MED13L: variants seen among roughly 807,000 people sequenced by gnomAD.
MED13L encodes mediator complex subunit 13L, also known as mediator of RNA polymerase II transcription subunit 13-like.
Under a neutral mutation model 220.9 loss-of-function variants are expected in MED13L, and 7 were observed. The observed-to-expected ratio is 0.03, with a 90% confidence interval of 0.02 to 0.06. MED13L has a LOEUF of 0.06. MED13L is among the 10% of genes least tolerant of loss of function. The pLI is 1.00. For synonymous variants in MED13L, 1,011 were observed against 1,015.2 expected (o/e 1.00, Z 0.08); for missense variants, 1,965 against 2,760.5 (o/e 0.71, Z 6.46).
chr12:116,117,686 T>C (rs61939697), intron 2 of MED13L, among the ~76,000 whole-genome samples: 22,767 of 151,854 alleles, frequency 0.15, 1,917 homozygotes, highest in Middle Eastern at 0.21. Flanking sequence ...AAAGTTTGAG[T>C]AATTAACAAG....
intron 2 of MED13L, among the ~76,000 whole-genome samples, chr12:116,218,187 T>A (rs1371937505): frequency 2.6e-5 from 4 of 152,226 alleles, no homozygotes; most frequent in African/African-American, 9.6e-5. Flanking sequence ...CATTCAATGA[T>A]CAAGTTTACT....
At chr12:116,273,354 G>T (rs777263869) in intron 1 of MED13L, among the ~76,000 whole-genome samples, 2 of 152,022 alleles carry the variant, frequency 1.3e-5, no homozygotes, top group Admixed American at 1.3e-4. Context: ...GGAAAAAAAT[G>T]CTTTAAACAT....
intron 2 of MED13L, among the ~76,000 whole-genome samples, chr12:116,148,126 T>A (rs12305254): frequency 0.025 from 3,721 of 150,072 alleles, 156 homozygotes; most frequent in African/African-American, 0.087. Flanking sequence ...AGGACTGATT[T>A]GGTATTAAAG....
chr12:115,984,068 C>T, intron 20 of MED13L, 112 bp downstream of exon 20: 1 of 1,202,132 alleles, frequency 8.3e-7, no homozygotes, highest in Non-Finnish European at 1.2e-6. Context: ...TTAACAAATA[C>T]AGCATTACTT....
intron 4 of MED13L, among the ~76,000 whole-genome samples, chr12:116,033,368 A>G: frequency 6.6e-6 from 1 of 152,328 alleles, no homozygotes; most frequent in South Asian, 2.1e-4. Flanking sequence ...TATAAAAATT[A>G]TTAAACTATT....
intron 2 of MED13L, among the ~76,000 whole-genome samples, chr12:116,130,369 C>T (rs185862470): frequency 5.3e-5 from 8 of 152,244 alleles, no homozygotes; most frequent in African/African-American, 1.7e-4. Context: ...CACAGCCACC[C>T]GCTAGGAGGG....
At chr12:115,994,203 T>G (rs890783664) in intron 16 of MED13L, among the ~76,000 whole-genome samples, 1 of 152,080 alleles carries the variant, frequency 6.6e-6, no homozygotes, top group Non-Finnish European at 1.5e-5. Flanking sequence ...CCCAACACTT[T>G]AGGAGGCCGA....
At chr12:116,060,248 G>A (rs1424486082) in intron 4 of MED13L, among the ~76,000 whole-genome samples, 1 of 151,728 alleles carries the variant, frequency 6.6e-6, no homozygotes, top group Non-Finnish European at 1.5e-5. Context: ...TTTCTAATAA[G>A]CCTCAAATTA....
chr12:116,140,914 A>G (rs1877011938), intron 2 of MED13L, among the ~76,000 whole-genome samples: 1 of 152,226 alleles, frequency 6.6e-6, no homozygotes, highest in Admixed American at 6.5e-5. Flanking sequence ...TTGTTAGACT[A>G]TAAATTCCTT....
intron 2 of MED13L, among the ~76,000 whole-genome samples, chr12:116,216,969 G>A (rs908685982): frequency 2.6e-5 from 4 of 152,194 alleles, no homozygotes; most frequent in Admixed American, 1.3e-4. Context: ...AAAATCTGTT[G>A]TCCTCAAGGA....
At position 116,261,429 on chromosome 12, in the gene MED13L, G is replaced by A. The variant is rs567204456; in HGVS notation, c.72+15631C>T. ...GAAGAATCACTTGAACCTCAGAGGCGGAGGGTGCAGTGAGCCGAGATTGTG... is the reference window on the plus strand; with the variant it reads ...GAAGAATCACTTGAACCTCAGAGGCAGAGGGTGCAGTGAGCCGAGATTGTG... On this transcript the variant is annotated intron_variant, in intron 1 of 30. Coordinates refer to ENST00000281928, the MANE Select transcript of MED13L (RefSeq NM_015335.5). Among the ~76,000 whole-genome samples, 9 of 151,526 alleles carry A rather than the reference G, an allele frequency of 5.9e-5. No individual in the cohort carries two copies. The South Asian group carries it at 1.5e-3, about 25-fold the overall frequency.
At chr12:116,104,661 T>C (rs1311594307) in intron 3 of MED13L, among the ~76,000 whole-genome samples, 3 of 152,318 alleles carry the variant, frequency 2.0e-5, no homozygotes, top group East Asian at 3.9e-4. Context: ...TAAGTAAGTA[T>C]GGACATGATT....
At chr12:116,006,252 T>C in intron 12 of MED13L, 54 bp downstream of exon 12, 1 of 1,488,342 alleles carries the variant, frequency 6.7e-7, no homozygotes, top group Admixed American at 1.7e-5. Context: ...AAGCATCTCC[T>C]TTGCATTTCA....
chr12:116,243,442 T>C (rs1870826671), intron 1 of MED13L, among the ~76,000 whole-genome samples: 1 of 152,164 alleles, frequency 6.6e-6, no homozygotes, highest in Non-Finnish European at 1.5e-5. Flanking sequence ...AAACAGCTAC[T>C]ACAGTCAGTT....
At position 116,120,440 on chromosome 12, in the gene MED13L, TTCTCTCTCTCTC is replaced by T. The variant is rs67306353; in HGVS notation, c.311-8940_311-8929del. ...TTTGGCTTCTTTAAATAATCTCTCT[TTCTCTCTCTCTC>T]TCTCTCTCTCTCTCTCTCTCTCTCT... is the stretch of plus-strand genomic sequence containing the variant. On this transcript the variant is annotated intron_variant, in intron 2 of 30. Transcript: ENST00000281928. Among the ~76,000 whole-genome samples, 783 of 98,314 alleles carry T rather than the reference TTCTCTCTCTCTC, an allele frequency of 8.0e-3. 5 individuals carry two copies. Among genetic ancestry groups the T allele is most frequent in the African/African-American group, 0.025 (636 of 25,322 alleles). The allele number at this position is 98,314 out of a possible 152,430, so 64.5% of individuals were successfully genotyped here. A position where few individuals can be genotyped will look rare whatever the true frequency, so the allele number is the denominator to read the frequency against.
chr12:116,082,673 T>A (rs1871313663), intron 4 of MED13L: 1 of 152,010 alleles, frequency 6.6e-6, no homozygotes, highest in Admixed American at 6.6e-5. Flanking sequence ...CAATCCACAT[T>A]TTTAAAATTA....
intron 2 of MED13L, among the ~76,000 whole-genome samples, chr12:116,209,717 G>A (rs1294504534): frequency 6.6e-6 from 1 of 152,128 alleles, no homozygotes; most frequent in Non-Finnish European, 1.5e-5. Flanking sequence ...ACCACAGTGA[G>A]ATCTGTTTCA....
chr12:116,272,275 C>T lies in MED13L; in HGVS notation c.72+4785G>A, dbSNP rs1235955345. On this transcript the variant is annotated intron_variant, in intron 1 of 30. Coordinates refer to ENST00000281928, the MANE Select transcript of MED13L (RefSeq NM_015335.5). ...AGTGGTAAGGAATACAATTAAAAAC[C>T]AGGCTGGCCGGGCGCAGTGGCTCAT... Among the ~76,000 whole-genome samples, 3 of 151,976 alleles carry T rather than the reference C, an allele frequency of 2.0e-5. No individual in the cohort carries two copies. In the East Asian group the frequency reaches 5.8e-4, roughly 29 times the overall value.
At chr12:116,251,439 C>A (rs1164782372) in intron 1 of MED13L, among the ~76,000 whole-genome samples, 1 of 137,552 alleles carries the variant, frequency 7.3e-6, no homozygotes, top group African/African-American at 2.7e-5. Context: ...GGATTACAGG[C>A]GTGAGGGATC....
Sources: allele counts gnomAD v4.1 joint callset (sites outside exome capture counted in the v4.1 genomes callset), GRCh38; gene constraint gnomAD v4.1.1; transcripts MANE v1.5; gene names NCBI Gene and HGNC (gene_info 2026-07-23, HGNC 2026-07-21).